Variants in ZNF800 observed in about 807,000 individuals in gnomAD.
The protein encoded by ZNF800 is zinc finger protein 800.
Under a neutral mutation model 59.5 loss-of-function variants are expected in ZNF800, and 13 were observed. The observed-to-expected ratio is 0.22, with a 90% CI of 0.14 to 0.35. The LOEUF (loss-of-function observed/expected upper bound fraction) is 0.35. Among genes scored for constraint, ZNF800 ranks in the 10% least tolerant of loss-of-function variants. The probability of loss-of-function intolerance (pLI) is 1.00; values close to 1 mark genes in which losing one functional copy is unlikely to be tolerated. For missense variants in ZNF800, 621 were observed against 783.7 expected (o/e 0.79, Z 2.48); for synonymous variants, 266 against 265.7 (o/e 1.00, Z -0.01).
chr7:127,365,329 T>C (rs1395722955), downstream of ZNF800, among the ~76,000 whole-genome samples: 3 of 152,040 alleles, frequency 2.0e-5, no homozygotes, highest in Non-Finnish European at 4.4e-5. Flanking sequence ...GATTAGATCA[T>C]GTAATGGGAA....
intron 3 of ZNF800, among the ~76,000 whole-genome samples, chr7:127,379,208 G>A (rs540569228): frequency 1.3e-5 from 2 of 152,118 alleles, no homozygotes; most frequent in African/African-American, 4.8e-5. Context: ...TCTTGGCAAC[G>A]GACTGCTAAT....
At chr7:127,350,507 G>C (rs1800150539) in intron 1 of ZNF800, 1 of 152,166 alleles carries the variant, frequency 6.6e-6, no homozygotes, top group Non-Finnish European at 1.5e-5. Context: ...TGAAATCCTT[G>C]ACTCACAAAG....
chr7:127,384,207 G>GACTTAACT (rs1244963387), intron 3 of ZNF800, among the ~76,000 whole-genome samples: 6 of 121,950 alleles, frequency 4.9e-5, no homozygotes, highest in Non-Finnish European at 1.0e-4. Context: ...AAGCACTTAT[G>GACTTAACT]ACTTAACTAA....
intron 2 of ZNF800, among the ~76,000 whole-genome samples, 157 bp from the exon 3 acceptor site, chr7:127,386,312 T>C (rs1026647120): frequency 1.3e-5 from 2 of 152,124 alleles, no homozygotes; most frequent in South Asian, 2.1e-4. Flanking sequence ...TAGATATATA[T>C]ATAATTAACC....
chr7:127,391,709 C>T lies in ZNF800; in HGVS notation c.-58-94G>A, dbSNP rs1198275489. On this transcript the variant is annotated intron_variant, in intron 1 of 5. Coordinates refer to ENST00000265827, the MANE Select transcript of ZNF800 (RefSeq NM_176814.5). ...ATACGTTCCCATCATCAGCTCTCCGCTTTCCCTCCACGGACCCGCACCTCC... is the reference window on the plus strand; with the variant it reads ...ATACGTTCCCATCATCAGCTCTCCGTTTTCCCTCCACGGACCCGCACCTCC... The T allele has an allele frequency of 1.2e-5, 8 of 686,598 alleles. No individual in the cohort carries two copies. In the East Asian group the frequency reaches 1.9e-4, roughly 16 times the overall value. 42.5% of individuals were successfully genotyped at this position (686,598 alleles called of 1,614,324 possible). A position where few individuals can be genotyped will look rare whatever the true frequency, so the allele number is the denominator to read the frequency against.
At chr7:127,378,555 C>A (rs1800857312) in intron 3 of ZNF800, among the ~76,000 whole-genome samples, 1 of 151,984 alleles carries the variant, frequency 6.6e-6, no homozygotes, top group Non-Finnish European at 1.5e-5. Flanking sequence ...TCTGGGACTA[C>A]TAAAGAGTAT....
intron 3 of ZNF800, among the ~76,000 whole-genome samples, chr7:127,383,317 A>G (rs1265023567): frequency 6.6e-6 from 1 of 152,256 alleles, no homozygotes; most frequent in Non-Finnish European, 1.5e-5. Flanking sequence ...AGATAAAGGT[A>G]GATAACCTAA....
At chr7:127,379,859 C>CTA (rs1562907513) in intron 3 of ZNF800, among the ~76,000 whole-genome samples, 1 of 78,950 alleles carries the variant, frequency 1.3e-5, no homozygotes, top group African/African-American at 5.1e-5. Flanking sequence ...CCCACCCCCC[C>CTA]CACACACACA....
intron 1 of ZNF800, chr7:127,360,716 A>C (rs1315231064): frequency 6.6e-6 from 1 of 152,154 alleles, no homozygotes; most frequent in South Asian, 2.1e-4. Context: ...AATCAACAAC[A>C]AAGTTAAAAT....
chr7:127,386,184 T>C, intron 2 of ZNF800, 29 bp from the exon 3 acceptor site: 2 of 1,384,288 alleles, frequency 1.4e-6, no homozygotes, highest in Non-Finnish European at 2.0e-6. Flanking sequence ...CCCACCCCAA[T>C]CCCCACAAAA....
chr7:127,392,466 G>A lies in ZNF800; in HGVS notation c.-465C>T. ...GGGGCAACGGCTGCCGCCGCAACCCGGGTCCCACCAGCGCCGCTCCACCTG... is the reference window on the plus strand; with the variant it reads ...GGGGCAACGGCTGCCGCCGCAACCCAGGTCCCACCAGCGCCGCTCCACCTG... On this transcript the variant is annotated 5_prime_UTR_variant, in exon 1 of 6. Coordinates refer to ENST00000265827, the MANE Select transcript of ZNF800 (RefSeq NM_176814.5). The A allele has an allele frequency of 2.7e-6, 1 of 367,856 alleles. No homozygotes were observed. Among genetic ancestry groups the A allele is most frequent in the Non-Finnish European group, 4.8e-6 (1 of 206,462 alleles). 22.8% of individuals were successfully genotyped at this position (367,856 alleles called of 1,614,324 possible). A position where few individuals can be genotyped will look rare whatever the true frequency, so the allele number is the denominator to read the frequency against.
In ZNF800 at chr7:127,374,310, C is replaced by G; in HGVS notation, c.1026G>C (p.Lys342Asn). Residue 342 changes from lysine to asparagine, a missense_variant, in exon 5 of 6, where the codon AAG (lysine) becomes AAC (asparagine). Transcript: ENST00000265827. ...LDSISPKKSF[K>N]TRKQKSSSKA... Reference sequence around the variant, plus strand: ...TTGAAGAAGACTTTTGTTTTCGAGTCTTAAAAGATTTTTTAGGAGAAATAG... The same window carrying G: ...TTGAAGAAGACTTTTGTTTTCGAGTGTTAAAAGATTTTTTAGGAGAAATAG... The G allele has an allele frequency of 6.2e-7, 1 of 1,613,076 alleles. No individual in the cohort carries two copies. The highest frequency in any genetic ancestry group is 8.5e-7 in the Non-Finnish European group (1 of 1,179,748).
chr7:127,384,668 T>C (rs1429188723), intron 3 of ZNF800, among the ~76,000 whole-genome samples: 1 of 152,170 alleles, frequency 6.6e-6, no homozygotes, highest in Admixed American at 6.5e-5. Flanking sequence ...TTGCTGTCAT[T>C]TCCATGGTAT....
chr7:127,356,948 CCTTTA>C (rs1054758407), intron 1 of ZNF800, among the ~76,000 whole-genome samples: 1 of 151,914 alleles, frequency 6.6e-6, no homozygotes, highest in African/African-American at 2.4e-5. Flanking sequence ...GGAATTCTTT[CCTTTA>C]AAGGCATATT....
rs750383357 is a variant in ZNF800 at position 127,392,089 on chromosome 7, CGGAA to C, written c.-92_-89del. The C allele has an allele frequency of 2.1e-3, 811 of 392,146 alleles. 6 individuals carry two copies. Among genetic ancestry groups the C allele is most frequent in the East Asian group, 0.012 (318 of 27,582 alleles). 24.3% of individuals were successfully genotyped at this position (392,146 alleles called of 1,614,324 possible). On this transcript the variant is annotated 5_prime_UTR_variant, in exon 1 of 6. Transcript: ENST00000265827. The stretch of plus-strand genomic sequence containing the variant: ...CTCTTAGGGCGGGCCGGCGGGCGGG[CGGAA>C]GGAAGGAAGGCAGGCCGGGCGGCCG...
chr7:127,347,316 G>A (rs920469011), exon 2 of ZNF800: 2 of 140,966 alleles, frequency 1.4e-5, no homozygotes, highest in African/African-American at 5.2e-5. Flanking sequence ...GCACCCCACA[G>A]TCACTGAGGA....
chr7:127,392,195 A>T lies in ZNF800; in HGVS notation c.-194T>A, dbSNP rs973853722. 2 of 394,644 alleles carry T rather than the reference A, an allele frequency of 5.1e-6. No individual in the cohort carries two copies. Among genetic ancestry groups the T allele is most frequent in the African/African-American group, 4.1e-5 (2 of 48,378 alleles). The allele number at this position is 394,644 out of a possible 1,614,324, so 24.4% of individuals were successfully genotyped here. Reference sequence around the variant, plus strand: ...CCGCTGACCACGCGGGGGAACCCGGACTCGGGCCCGACGCGCTCCCAAAGA... The same window carrying T: ...CCGCTGACCACGCGGGGGAACCCGGTCTCGGGCCCGACGCGCTCCCAAAGA... On this transcript the variant is annotated 5_prime_UTR_variant, in exon 1 of 6. Transcript: ENST00000265827.
At chr7:127,371,907 G>A (rs1035817995) in intron 5 of ZNF800, 93 bp from the exon 6 acceptor site, 4 of 610,186 alleles carry the variant, frequency 6.6e-6, no homozygotes, top group Non-Finnish European at 9.0e-6. Flanking sequence ...TCTAAAAGAT[G>A]GTTTCATCTC....
At chr7:127,375,866 T>C (rs1342882513) in intron 4 of ZNF800, among the ~76,000 whole-genome samples, 1 of 151,962 alleles carries the variant, frequency 6.6e-6, no homozygotes, top group African/African-American at 2.4e-5. Flanking sequence ...ATAGCTCTTC[T>C]AGTCTAGTCA....
Sources: gnomAD v4.1 joint callset for allele counts (sites outside exome capture counted in the v4.1 genomes callset) on GRCh38, gnomAD v4.1.1 for gene constraint, MANE v1.5 for transcripts, NCBI Gene and HGNC (gene_info 2026-07-23, HGNC 2026-07-21) for gene names.